OPRM1: variants seen among roughly 807,000 people sequenced by gnomAD.
OPRM1 encodes opioid receptor mu 1, also known as mu-type opioid receptor.
In OPRM1, 27 loss-of-function variants were observed where a neutral mutation model predicts 31.8. The ratio of observed to expected loss-of-function variants is 0.85; its 90% CI spans 0.63 to 1.17. OPRM1 has a LOEUF of 1.17. Ranked by LOEUF, OPRM1 falls within the 50% of genes most tolerant of loss-of-function variation. The pLI, the probability that OPRM1 is intolerant of heterozygous loss-of-function variation, is 0.00. For missense variants in OPRM1, 536 were observed against 511.1 expected, an observed-to-expected ratio of 1.05 and a Z score of -0.47; for synonymous variants, 196 against 189.9, an observed-to-expected ratio of 1.03 and a Z score of -0.26.
chr6:154,188,410 C>A (rs1049398516), intron 3 of OPRM1, among the ~76,000 whole-genome samples: 2 of 152,094 alleles, frequency 1.3e-5, no homozygotes, highest in Non-Finnish European at 2.9e-5. Flanking sequence ...AAATTTTAGA[C>A]CATAACGATT....
At chr6:154,115,346 C>T (rs1249410085) in intron 3 of OPRM1, among the ~76,000 whole-genome samples, 1 of 152,066 alleles carries the variant, frequency 6.6e-6, no homozygotes, top group African/African-American at 2.4e-5. Context: ...TCGAGACCAG[C>T]CTGGGCAACA....
chr6:154,140,405 A>G (rs1798169489), intron 3 of OPRM1, among the ~76,000 whole-genome samples: 1 of 151,412 alleles, frequency 6.6e-6, no homozygotes, highest in Non-Finnish European at 1.5e-5. Flanking sequence ...ATCTCAGATC[A>G]CTGCAACCTC....
At chr6:154,229,797 G>A (rs1472517803) in intron 3 of OPRM1, among the ~76,000 whole-genome samples, 2 of 152,214 alleles carry the variant, frequency 1.3e-5, no homozygotes, top group East Asian at 1.9e-4. Flanking sequence ...TTTATTCATA[G>A]TAACCTAGAA....
rs774507706 is a variant in OPRM1, at chr6:154,091,093, A to G, written c.785A>G (p.Lys262Arg). The G allele has an allele frequency of 1.9e-6, 3 of 1,614,152 alleles. No individual in the cohort carries two copies. The highest frequency in any genetic ancestry group is 2.2e-5 in the East Asian group (1 of 44,884). Reference protein sequence around the residue: ...VCYGLMILRLKSVRMLSGSKE... With the variant: ...VCYGLMILRLRSVRMLSGSKE... ...TATGGACTGATGATCTTGCGCCTCA[A>G]GAGTGTCCGCATGCTCTCTGGCTCC... Residue 262 changes from lysine to arginine, a missense_variant, in exon 3 of 4, where the codon AAG becomes AGG. Physicochemically the swap from Lys to Arg is conservative, Grantham distance 26 (BLOSUM62 2). Transcript: ENST00000330432.
intron 1 of OPRM1, among the ~76,000 whole-genome samples, chr6:154,043,166 C>T (rs561684915): frequency 6.6e-6 from 1 of 152,064 alleles, no homozygotes; most frequent in African/African-American, 2.4e-5. Flanking sequence ...CTGTGGGCTG[C>T]GTAAACCATC....
intron 1 of OPRM1, among the ~76,000 whole-genome samples, chr6:154,065,871 C>G (rs1785292219): frequency 6.6e-6 from 1 of 151,952 alleles, no homozygotes; most frequent in Non-Finnish European, 1.5e-5. Context: ...AAGCTTTCAG[C>G]CTTTCAACAT....
chr6:154,067,578 T>C (rs1190629481), intron 1 of OPRM1, among the ~76,000 whole-genome samples: 1 of 152,050 alleles, frequency 6.6e-6, no homozygotes, highest in Non-Finnish European at 1.5e-5. Flanking sequence ...GTCTAACATA[T>C]AGTCTGTCCT....
Position 154,123,790 on chromosome 6 carries a change from A to G in OPRM1, c.*5069A>G, listed in dbSNP as rs1270384690. 6.6e-6 allele frequency among the ~76,000 whole-genome samples: 1 copy of G among 152,174 alleles called. No homozygotes were observed. The highest frequency in any genetic ancestry group is 1.5e-5 in the Non-Finnish European group (1 of 68,032). On this transcript the variant is annotated 3_prime_UTR_variant, in exon 4 of 4. Transcript: ENST00000330432. ...TGGTGGGAATGTTTTTTAGCATGCT[A>G]ATGCAATATAATTAGTGTATAATGA...
chr6:154,190,650 C>G (rs1801791742), intron 3 of OPRM1, among the ~76,000 whole-genome samples: 1 of 152,166 alleles, frequency 6.6e-6, no homozygotes, highest in Admixed American at 6.5e-5. Context: ...AGCAATTGTA[C>G]TCATTGCTAT....
At chr6:154,107,712 T>C in intron 3 of OPRM1, 1 of 718,486 alleles carries the variant, frequency 1.4e-6, no homozygotes, top group Non-Finnish European at 2.6e-6. Flanking sequence ...GCTCCCAAGG[T>C]GGAGAGACTT....
intron 3 of OPRM1, chr6:154,167,834 C>CTGTGAT: frequency 1.0e-6 from 1 of 998,084 alleles, no homozygotes; most frequent in Non-Finnish European, 1.5e-6. Flanking sequence ...CACAAACATG[C>CTGTGAT]TGTGATTAGC....
At chr6:154,013,002 G>C (rs903331736) in intron 1 of OPRM1, among the ~76,000 whole-genome samples, 1 of 152,044 alleles carries the variant, frequency 6.6e-6, no homozygotes, top group Non-Finnish European at 1.5e-5. Flanking sequence ...TTGACGAATA[G>C]GGTTTCAACA....
At chr6:154,232,982 T>TA (rs1779840509) in intron 3 of OPRM1, among the ~76,000 whole-genome samples, 1 of 151,404 alleles carries the variant, frequency 6.6e-6, no homozygotes, top group Admixed American at 6.6e-5. Flanking sequence ...TTTTTTTTTT[T>TA]TTTGAGATGG....
At position 154,127,625 on chromosome 6, in the gene OPRM1, C is replaced by T. The variant is rs559117669; in HGVS notation, c.*8904C>T. Among the ~76,000 whole-genome samples the T allele has an allele frequency of 1.3e-5, 2 of 152,298 alleles. No individual in the cohort carries two copies. The highest frequency in any genetic ancestry group is 4.1e-4 in the South Asian group (2 of 4,824). On this transcript the variant is annotated 3_prime_UTR_variant, in exon 4 of 4. Coordinates refer to ENST00000330432, the MANE Select transcript of OPRM1 (RefSeq NM_000914.5). ...TGGGCCGGCTACAACCCTCCCCACC[C>T]CTCGCTTTCACTAAATAACAACTCT...
intron 1 of OPRM1, among the ~76,000 whole-genome samples, chr6:154,023,363 G>A (rs1778499743): frequency 6.6e-6 from 1 of 151,990 alleles, no homozygotes; most frequent in Non-Finnish European, 1.5e-5. Context: ...GTTTACTTTT[G>A]ACATACAGAA....
intron 3 of OPRM1, among the ~76,000 whole-genome samples, chr6:154,241,774 T>A (rs367686332): frequency 3.3e-5 from 5 of 152,166 alleles, no homozygotes; most frequent in African/African-American, 1.2e-4. Flanking sequence ...ATTTTTCGCA[T>A]GCCAATTTCA....
chr6:154,119,048 C>A lies in OPRM1; in HGVS notation c.*327C>A. ...CTGTCTGTAAGATTTTATTTTCAAG[C>A]AAATATTTATGACCTCAACAAAGAA... On this transcript the variant is annotated 3_prime_UTR_variant, in exon 4 of 4. Transcript: ENST00000330432. The A allele has an allele frequency of 1.9e-6, 2 of 1,069,460 alleles. No individual in the cohort carries two copies. The highest frequency in any genetic ancestry group is 2.3e-6 in the Non-Finnish European group (2 of 883,966). 66.2% of individuals were successfully genotyped at this position (1,069,460 alleles called of 1,614,324 possible). A position where few individuals can be genotyped will look rare whatever the true frequency, so the allele number is the denominator to read the frequency against.
In OPRM1 at chr6:154,168,523, C is replaced by T. The variant is rs1283110554; in HGVS notation, c.1164+77051C>T. Among the ~76,000 whole-genome samples, 1 of 152,130 alleles carries T rather than the reference C, an allele frequency of 6.6e-6. No homozygotes were observed. Among genetic ancestry groups the T allele is most frequent in the Non-Finnish European group, 1.5e-5 (1 of 68,028 alleles). On this transcript the variant is annotated intron_variant, in intron 3 of 3. Coordinates refer to the OPRM1 transcript ENST00000337049. The surrounding 1 kb of genome is among the most constrained non-coding windows in gnomAD (Gnocchi z 4.1). ...TCTTAACTAGTTAAATCTGCAACAA[C>T]CCCATTTCCCAATAAGGTCACATTC...
intron 3 of OPRM1, among the ~76,000 whole-genome samples, chr6:154,178,935 G>A (rs1241055917): frequency 6.6e-6 from 1 of 152,182 alleles, no homozygotes; most frequent in East Asian, 1.9e-4. Flanking sequence ...ATAAATTCTG[G>A]TGTTAGGAAT....
Sources: allele counts gnomAD v4.1 joint callset (sites outside exome capture counted in the v4.1 genomes callset), GRCh38; gene constraint gnomAD v4.1.1; non-coding constraint Gnocchi (gnomAD v3.1); transcripts MANE v1.5; gene names NCBI Gene and HGNC (gene_info 2026-07-23, HGNC 2026-07-21).